OSBPL1A: variants seen among roughly 807,000 people sequenced by gnomAD.
OSBPL1A encodes the protein oxysterol binding protein like 1A, also known as oxysterol-binding protein-related protein 1.
A neutral mutation model predicts 137.1 loss-of-function variants in OSBPL1A; 80 were observed. The observed-to-expected ratio is 0.58, with a 90% CI of 0.49 to 0.70. OSBPL1A has a LOEUF of 0.70. Ranked by LOEUF, OSBPL1A falls within the 30% of genes least tolerant of loss-of-function variation. The probability of loss-of-function intolerance (pLI) is 0.00; values close to 1 mark genes in which losing one functional copy is unlikely to be tolerated. For missense variants in OSBPL1A, 970 were observed against 1,129.4 expected (o/e 0.86, Z 2.02); for synonymous variants, 365 against 389.7 (o/e 0.94, Z 0.75).
At chr18:24,200,257 T>C (rs900168256) in intron 17 of OSBPL1A, among the ~76,000 whole-genome samples, 4 of 152,138 alleles carry the variant, frequency 2.6e-5, no homozygotes, top group Non-Finnish European at 4.4e-5. Context: ...ACAACTGATG[T>C]TAATTAAAAT....
chr18:24,164,568 A>G (rs1161006711), intron 27 of OSBPL1A, among the ~76,000 whole-genome samples: 2 of 151,886 alleles, frequency 1.3e-5, no homozygotes, highest in Non-Finnish European at 1.5e-5. Context: ...ATCTGGGACT[A>G]CAGGCGCCCG....
intron 11 of OSBPL1A, among the ~76,000 whole-genome samples, chr18:24,315,007 G>GC (rs1316290452): frequency 2.6e-5 from 4 of 152,040 alleles, no homozygotes; most frequent in African/African-American, 9.7e-5. Flanking sequence ...CCTATCAGAG[G>GC]CCCCCCACCT....
intron 17 of OSBPL1A, among the ~76,000 whole-genome samples, chr18:24,214,465 G>A (rs1396811402): frequency 2.0e-5 from 3 of 152,134 alleles, no homozygotes; most frequent in Admixed American, 1.3e-4. Flanking sequence ...TAATTTTGTT[G>A]GTTGGGGAGG....
At chr18:24,366,280 G>A (rs2091700262) in intron 4 of OSBPL1A, 3 of 152,086 alleles carry the variant, frequency 2.0e-5, no homozygotes, top group African/African-American at 7.2e-5. Flanking sequence ...AGCTACCCAG[G>A]AGCTCCTAGA....
chr18:24,315,924 TATA>T (rs1238981780), intron 11 of OSBPL1A, among the ~76,000 whole-genome samples: 1 of 136,728 alleles, frequency 7.3e-6, no homozygotes, highest in Non-Finnish European at 1.5e-5. Flanking sequence ...ATTATAATTA[TATA>T]ATAATAATAT....
chr18:24,278,494 G>A (rs1337229740), intron 15 of OSBPL1A, among the ~76,000 whole-genome samples: 1 of 152,086 alleles, frequency 6.6e-6, no homozygotes, highest in East Asian at 1.9e-4. Flanking sequence ...AAATTTAAGA[G>A]GCTAAAAGAG....
intron 14 of OSBPL1A, among the ~76,000 whole-genome samples, chr18:24,293,217 A>G (rs1252810804): frequency 6.6e-6 from 1 of 152,050 alleles, no homozygotes. Flanking sequence ...AGTAACAGAG[A>G]CTGGCGTGCG....
chr18:24,341,248 C>T (rs1247389109), intron 5 of OSBPL1A, among the ~76,000 whole-genome samples: 1 of 152,166 alleles, frequency 6.6e-6, no homozygotes, highest in Admixed American at 6.5e-5. Context: ...CTCAAGTGAT[C>T]CTCTTGCCTC....
chr18:24,370,258 A>G (rs1905519256), intron 2 of OSBPL1A, among the ~76,000 whole-genome samples: 1 of 152,178 alleles, frequency 6.6e-6, no homozygotes, highest in Non-Finnish European at 1.5e-5. Context: ...CCTTTAGTTG[A>G]TGACTTCTCC....
At chr18:24,357,125 T>C (rs1179297800) in intron 4 of OSBPL1A, 1 of 152,220 alleles carries the variant, frequency 6.6e-6, no homozygotes, top group African/African-American at 2.4e-5. Context: ...GAGACAAGTC[T>C]CAATCATTTT....
Position 24,179,818 on chromosome 18 carries a change from A to G in OSBPL1A, c.1830T>C (p.Ala610=). The G allele has an allele frequency of 1.2e-6, 2 of 1,614,166 alleles. No homozygotes were observed. Among genetic ancestry groups the G allele is most frequent in the Non-Finnish European group, 1.7e-6 (2 of 1,179,980 alleles). ...VERMQCVAAF[A]VSAVASQWER... ...CCCACTGAGAAGCAACAGCAGATAC[A>G]GCAAACGCAGCTACACACTGTGGGA... Residue 610 remains alanine, a synonymous_variant, in exon 20 of 28, where the codon GCT becomes GCC. Transcript: ENST00000319481.
chr18:24,347,251 A>G (rs1406353143), intron 4 of OSBPL1A, among the ~76,000 whole-genome samples: 1 of 152,104 alleles, frequency 6.6e-6, no homozygotes, highest in Non-Finnish European at 1.5e-5. Flanking sequence ...ATCTTGGCTC[A>G]CTGCAACCTC....
At chr18:24,387,229 A>AT (rs760902329) in intron 1 of OSBPL1A, among the ~76,000 whole-genome samples, 1 of 151,468 alleles carries the variant, frequency 6.6e-6, no homozygotes, top group Non-Finnish European at 1.5e-5. Flanking sequence ...TAATTTTTGT[A>AT]TTTTTTTGTA....
intron 7 of OSBPL1A, among the ~76,000 whole-genome samples, chr18:24,323,555 TTTTTTTA>T (rs2090910916): frequency 1.8e-5 from 1 of 55,932 alleles, no homozygotes; most frequent in Admixed American, 1.2e-4. Flanking sequence ...TTTTTTTTTT[TTTTTTTA>T]TTATACTCTA....
chr18:24,192,702 G>A (rs1361036745), intron 18 of OSBPL1A, among the ~76,000 whole-genome samples: 1 of 152,162 alleles, frequency 6.6e-6, no homozygotes. Flanking sequence ...CAGACACGGG[G>A]GGCCAAGATG....
chr18:24,308,684 C>T (rs1342870956), intron 13 of OSBPL1A, among the ~76,000 whole-genome samples: 2 of 152,148 alleles, frequency 1.3e-5, no homozygotes, highest in Non-Finnish European at 2.9e-5. Flanking sequence ...TCTATATCTT[C>T]GCTGTCCGTT....
chr18:24,284,842 CA>C (rs1205007919), intron 14 of OSBPL1A, among the ~76,000 whole-genome samples: 2 of 151,888 alleles, frequency 1.3e-5, no homozygotes, highest in Non-Finnish European at 2.9e-5. Context: ...CCCTACTTGA[CA>C]AAAAAAACTA....
chr18:24,381,228 A>C (rs984412176), intron 1 of OSBPL1A, among the ~76,000 whole-genome samples: 1 of 152,118 alleles, frequency 6.6e-6, no homozygotes, highest in African/African-American at 2.4e-5. Flanking sequence ...CAGTGGGTGG[A>C]AAAGTACTCA....
chr18:24,252,230 A>G (rs1321333468), intron 15 of OSBPL1A, among the ~76,000 whole-genome samples: 1 of 152,200 alleles, frequency 6.6e-6, no homozygotes, highest in Non-Finnish European at 1.5e-5. Flanking sequence ...TTTATAGGAC[A>G]CCAAGCAGAT....
Sources: allele counts gnomAD v4.1 joint callset (sites outside exome capture counted in the v4.1 genomes callset), GRCh38; gene constraint gnomAD v4.1.1; transcripts MANE v1.5; gene names NCBI Gene and HGNC (gene_info 2026-07-23, HGNC 2026-07-21).